The following MTHFD1 variants were observed in gnomAD, a reference collection of about 807,000 sequenced individuals.
MTHFD1 encodes methylenetetrahydrofolate dehydrogenase, cyclohydrolase and formyltetrahydrofolate synthetase 1.
MTHFD1 carries 44 observed loss-of-function variants against 110.3 expected under a neutral mutation model. The observed-to-expected ratio is 0.40, with a 90% CI of 0.31 to 0.51. MTHFD1 has a LOEUF of 0.51. MTHFD1 is among the 20% of genes least tolerant of loss of function. The pLI is 0.60. For missense variants in MTHFD1, 909 were observed against 1,173.1 expected (o/e 0.77, Z 3.29); for synonymous variants, 402 against 428.8 (o/e 0.94, Z 0.77).
chr14:64,421,551 T>C (rs945769729), intron 8 of MTHFD1, among the ~76,000 whole-genome samples: 1 of 152,242 alleles, frequency 6.6e-6, no homozygotes, highest in African/African-American at 2.4e-5. Context: ...GAAATTGCTC[T>C]CCTACAACTC....
intron 12 of MTHFD1, 86 bp downstream of exon 12, chr14:64,427,559 T>C (rs940667904): frequency 5.2e-6 from 7 of 1,345,246 alleles, no homozygotes; most frequent in East Asian, 4.6e-5. Flanking sequence ...ATGATACTTA[T>C]GGGGTCTTCA....
At chr14:64,406,002 T>A (rs1162379856) in intron 2 of MTHFD1, among the ~76,000 whole-genome samples, 1 of 149,450 alleles carries the variant, frequency 6.7e-6, no homozygotes, top group Non-Finnish European at 1.5e-5. Flanking sequence ...TATATATATG[T>A]GTGTGTGTGT....
intron 17 of MTHFD1, 43 bp downstream of exon 17, chr14:64,439,215 T>C (rs1390371857): frequency 1.4e-6 from 2 of 1,405,648 alleles, no homozygotes; most frequent in Non-Finnish European, 1.0e-6. Flanking sequence ...TCAGAGGCAC[T>C]AGATCTTGCT....
chr14:64,458,732 A>G (rs2078515244), intron 27 of MTHFD1: 1 of 230,190 alleles, frequency 4.3e-6, no homozygotes. Context: ...TGTCTTAGGA[A>G]GTATAATAGA....
intron 2 of MTHFD1, among the ~76,000 whole-genome samples, chr14:64,407,418 T>G (rs2077943421): frequency 6.6e-6 from 1 of 151,516 alleles, no homozygotes; most frequent in Admixed American, 6.6e-5. Context: ...TGAGCTGTAA[T>G]CGTGTCATTG....
intron 16 of MTHFD1, among the ~76,000 whole-genome samples, chr14:64,435,889 C>A (rs1313044624): frequency 6.6e-6 from 1 of 152,190 alleles, no homozygotes; most frequent in Non-Finnish European, 1.5e-5. Context: ...ATTGGTCGAA[C>A]ATTTTGCTGG....
rs1038198391 is a variant in MTHFD1, at chr14:64,393,543, C to G, written c.41+5075C>G. 3.9e-5 allele frequency among the ~76,000 whole-genome samples: 6 copies of G among 152,210 alleles called. No homozygotes were observed. In the East Asian group the frequency reaches 1.2e-3, roughly 29 times the overall value. ...AGGAGAGGTCGGAGTTCCAGAGAGG[C>G]TGGGACCTTCAGCTAGGACCCCAGC... On this transcript the variant is annotated intron_variant, in intron 1 of 27. Coordinates refer to ENST00000652337, the MANE Select transcript of MTHFD1 (RefSeq NM_005956.4).
intron 24 of MTHFD1, among the ~76,000 whole-genome samples, chr14:64,450,513 C>A (rs903430810): frequency 1.3e-5 from 2 of 152,132 alleles, no homozygotes; most frequent in Admixed American, 1.3e-4. Flanking sequence ...CTCTATGATA[C>A]AATAAAGTTA....
Position 64,447,718 on chromosome 14 carries a change from G to A in MTHFD1, c.2179-499G>A, listed in dbSNP as rs556160509. ...ACTGCTTACTTCATATTTCCTGGCA[G>A]TATTTACGGCAGCCATATAACGAAT... On this transcript the variant is annotated intron_variant, in intron 22 of 27. Transcript: ENST00000652337. Among the ~76,000 whole-genome samples, 14 of 152,202 alleles carry A rather than the reference G, an allele frequency of 9.2e-5. No homozygotes were observed. The South Asian group carries it at 2.5e-3, about 27-fold the overall frequency.
At chr14:64,436,105 T>G (rs1193109957) in intron 16 of MTHFD1, among the ~76,000 whole-genome samples, 1 of 152,194 alleles carries the variant, frequency 6.6e-6, no homozygotes, top group Non-Finnish European at 1.5e-5. Context: ...CCTAATCTTT[T>G]TTTTTTTGAG....
At chr14:64,429,261 A>AACATATATATATATATATATATATATAT (rs11158541) in intron 12 of MTHFD1, among the ~76,000 whole-genome samples, 5,193 of 107,886 alleles carry the variant, frequency 0.048, 866 homozygotes, top group African/African-American at 0.12. Flanking sequence ...TGTCTAAAAA[A>AACATATATATATATATATATATATATAT]ATATATATCT....
rs200629267 is a variant in MTHFD1, at chr14:64,454,893, G to A, written c.2718+18G>A. 1.4e-5 allele frequency: 22 copies of A among 1,613,588 alleles called. No homozygotes were observed. In the Admixed American group the frequency reaches 2.5e-4, roughly 18 times the overall value. ...TAGGAACGGTAAGTGCATGCTGCAA[G>A]GGAGTAGTGGGCGCATCTGCACTTC... is the stretch of plus-strand genomic sequence containing the variant. On this transcript the variant is annotated intron_variant, in intron 26 of 27. Coordinates refer to ENST00000652337, the MANE Select transcript of MTHFD1 (RefSeq NM_005956.4).
At chr14:64,415,223 G>C (rs913137934) in intron 4 of MTHFD1, 135 bp from the exon 5 acceptor site, 1 of 727,286 alleles carries the variant, frequency 1.4e-6, no homozygotes, top group Non-Finnish European at 2.4e-6. Context: ...GATTCAAGGG[G>C]AAGGTACATT....
intron 4 of MTHFD1, among the ~76,000 whole-genome samples, chr14:64,414,427 G>T (rs2078009517): frequency 6.6e-6 from 1 of 151,846 alleles, no homozygotes; most frequent in South Asian, 2.1e-4. Flanking sequence ...GAGAGGCTGA[G>T]ATTACAGGCA....
intron 1 of MTHFD1, among the ~76,000 whole-genome samples, chr14:64,393,528 G>A (rs1390867987): frequency 2.0e-5 from 3 of 152,222 alleles, no homozygotes; most frequent in Non-Finnish European, 4.4e-5. Context: ...AGGAGAGGTC[G>A]GAGTTCCAGA....
chr14:64,430,361 C>A, intron 13 of MTHFD1, 131 bp downstream of exon 13: 1 of 841,604 alleles, frequency 1.2e-6, no homozygotes, highest in Non-Finnish European at 2.0e-6. Context: ...TGCAATGGCG[C>A]AATCTCGGCT....
chr14:64,449,453 C>T lies in MTHFD1; in HGVS notation c.2288C>T (p.Thr763Ile), dbSNP rs369285610. The change falls in exon 24 of 28, where the codon ACA becomes ATA. Residue 763 changes from threonine to isoleucine, a missense_variant. Thr to Ile is a moderately conservative substitution (Grantham distance 89). This residue lies in a region of MTHFD1 where 482 missense variants were observed against 646.0 expected (regional missense o/e 0.75). Transcript: ENST00000652337. ...VVAVNAFKTD[T>I]ESELDLISRL... ...AAATGCTTCCTTTATAGGACGGATA[C>T]AGAGTCTGAGCTGGACCTCATCAGC... The T allele has an allele frequency of 3.1e-6, 5 of 1,613,310 alleles. No individual in the cohort carries two copies. In the African/African-American group the frequency reaches 5.3e-5, roughly 17 times the overall value.
At chr14:64,441,102 G>A in intron 18 of MTHFD1, 1 of 390,068 alleles carries the variant, frequency 2.6e-6, no homozygotes, top group East Asian at 6.1e-5. Context: ...TGAGGCAGGA[G>A]AATGGCGTGA....
chr14:64,397,981 G>A (rs1255127232), intron 1 of MTHFD1, among the ~76,000 whole-genome samples: 1 of 152,108 alleles, frequency 6.6e-6, no homozygotes, highest in Non-Finnish European at 1.5e-5. Flanking sequence ...GATTATATAA[G>A]ACTTAGGGCC....
Sources: gnomAD v4.1 joint callset for allele counts (sites outside exome capture counted in the v4.1 genomes callset) on GRCh38, gnomAD v4.1.1 for gene constraint, gnomAD v4.1.1 regional missense constraint, MANE v1.5 for transcripts, NCBI Gene and HGNC (gene_info 2026-07-23, HGNC 2026-07-21) for gene names.